The following GPM6A variants were observed in gnomAD, a reference collection of about 807,000 sequenced individuals.
GPM6A encodes the protein neuronal membrane glycoprotein M6-a.
Under a neutral mutation model 32.1 loss-of-function variants are expected in GPM6A, and 7 were observed. That is an observed-to-expected ratio of 0.22 (90% CI 0.12 to 0.41). The LOEUF is 0.41. GPM6A is among the 10% of genes least tolerant of loss of function. GPM6A has a pLI of 1.00. For missense variants in GPM6A, 235 were observed against 347.2 expected (o/e 0.68, Z 2.57); for synonymous variants, 130 against 123.4 (o/e 1.05, Z -0.35).
In GPM6A at chr4:175,764,846, CATTATTATT is replaced by C. The variant is rs56700410; in HGVS notation, c.37+47336_37+47344del. 4.3e-3 allele frequency among the ~76,000 whole-genome samples: 601 copies of C among 140,516 alleles called. 5 individuals are homozygous for C. Among genetic ancestry groups the C allele is most frequent in the African/African-American group, 0.013 (488 of 38,368 alleles). The allele number at this position is 140,516 out of a possible 152,430, so 92.2% of individuals were successfully genotyped here. ...CCATTCTAGTGACTCAACCCAAAGGCATTATTATTATTATTATTATTATTATTATTATTA... is the reference window on the plus strand; with the variant it reads ...CCATTCTAGTGACTCAACCCAAAGGCATTATTATTATTATTATTATTATTA... On this transcript the variant is annotated intron_variant, in intron 1 of 6. Coordinates refer to ENST00000393658, the MANE Select transcript of GPM6A (RefSeq NM_201591.3).
intron 1 of GPM6A, among the ~76,000 whole-genome samples, chr4:175,782,907 T>C (rs967636078): frequency 6.6e-6 from 1 of 151,944 alleles, no homozygotes; most frequent in African/African-American, 2.4e-5. Flanking sequence ...GTCAATACAC[T>C]GAGTAAAATT....
intron 1 of GPM6A, among the ~76,000 whole-genome samples, chr4:175,843,262 G>T (rs1409702658): frequency 6.6e-6 from 1 of 152,102 alleles, no homozygotes; most frequent in Non-Finnish European, 1.5e-5. Context: ...AAATAGGGAG[G>T]AATTTACAAA....
At chr4:175,855,118 T>C (rs1255091961) in intron 1 of GPM6A, among the ~76,000 whole-genome samples, 1 of 152,304 alleles carries the variant, frequency 6.6e-6, no homozygotes, top group Non-Finnish European at 1.5e-5. Context: ...AGTTCCACAG[T>C]ATTTTTTCTA....
intron 1 of GPM6A, among the ~76,000 whole-genome samples, chr4:175,822,863 T>C (rs763929912): frequency 1.3e-5 from 2 of 152,124 alleles, no homozygotes; most frequent in African/African-American, 2.4e-5. Context: ...GTGTGTGATG[T>C]TCCCCTCCCT....
chr4:175,876,764 C>T (rs1356110888), intron 1 of GPM6A, among the ~76,000 whole-genome samples: 4 of 152,128 alleles, frequency 2.6e-5, no homozygotes, highest in Admixed American at 2.6e-4. Context: ...GCCATTGCTC[C>T]GAACAACCCG....
chr4:175,730,303 C>T (rs1042677193), intron 1 of GPM6A, among the ~76,000 whole-genome samples: 13 of 152,110 alleles, frequency 8.5e-5, no homozygotes, highest in Middle Eastern at 3.4e-3. Flanking sequence ...AGTGCAGTGG[C>T]GAGATCTCAG....
chr4:175,654,564 T>C (rs552160382), intron 3 of GPM6A, among the ~76,000 whole-genome samples: 1 of 152,268 alleles, frequency 6.6e-6, no homozygotes, highest in African/African-American at 2.4e-5. Context: ...TATAGTCTTA[T>C]AGAATAAAGG....
At chr4:175,904,372 AT>A (rs1213730849) in intron 1 of GPM6A, among the ~76,000 whole-genome samples, 13 of 152,174 alleles carry the variant, frequency 8.5e-5, no homozygotes, top group African/African-American at 2.9e-4. Context: ...AACATAAAAG[AT>A]ATTTGACTTT....
At chr4:175,863,052 T>C (rs947924574) in intron 1 of GPM6A, among the ~76,000 whole-genome samples, 1 of 152,186 alleles carries the variant, frequency 6.6e-6, no homozygotes. Flanking sequence ...CTGGTGATTG[T>C]ATTGAGTAGA....
chr4:175,837,529 G>A (rs1735805504), intron 1 of GPM6A, among the ~76,000 whole-genome samples: 1 of 152,142 alleles, frequency 6.6e-6, no homozygotes, highest in African/African-American at 2.4e-5. Flanking sequence ...GGGCTGTGGG[G>A]TTAGTGAGAA....
At position 175,680,759 on chromosome 4, in the gene GPM6A, G is replaced by A. The variant is rs549079027; in HGVS notation, c.231-6923C>T. Among the ~76,000 whole-genome samples the A allele has an allele frequency of 2.6e-5, 4 of 152,166 alleles. No individual in the cohort carries two copies. In the South Asian group the frequency reaches 6.2e-4, roughly 24 times the overall value. ...TTGGATCCTTGATTATCTTTACTGT[G>A]TTTTTATGTAAAGGCAAGTGTGTGC... On this transcript the variant is annotated intron_variant, in intron 2 of 6. Transcript: ENST00000393658.
intron 1 of GPM6A, among the ~76,000 whole-genome samples, chr4:175,804,492 T>C (rs2111312349): frequency 1.3e-5 from 2 of 152,316 alleles, no homozygotes; most frequent in South Asian, 4.1e-4. Context: ...GGCCCTTGAC[T>C]AAATAGTGTG....
At chr4:175,895,141 T>C (rs952503691) in intron 1 of GPM6A, among the ~76,000 whole-genome samples, 4 of 152,160 alleles carry the variant, frequency 2.6e-5, no homozygotes, top group Non-Finnish European at 5.9e-5. Flanking sequence ...CTTTGATCTT[T>C]AGAATGAAAT....
intron 1 of GPM6A, among the ~76,000 whole-genome samples, chr4:175,887,617 T>A (rs1737503261): frequency 6.6e-6 from 1 of 151,880 alleles, no homozygotes. Flanking sequence ...GTGTTCTAGA[T>A]GCTAATACGT....
At chr4:175,644,412 G>A (rs1003466600) in intron 4 of GPM6A, among the ~76,000 whole-genome samples, 3 of 151,586 alleles carry the variant, frequency 2.0e-5, no homozygotes, top group African/African-American at 4.8e-5. Context: ...TGAACCTCCA[G>A]TACTCCTGAT....
chr4:175,861,748 T>TG (rs1736580346), intron 1 of GPM6A, among the ~76,000 whole-genome samples: 1 of 72,922 alleles, frequency 1.4e-5, no homozygotes, highest in South Asian at 5.0e-4. Context: ...AAAGAGACTC[T>TG]GAAAAAAAAA....
At chr4:175,766,913 C>T (rs1732994028) in intron 1 of GPM6A, among the ~76,000 whole-genome samples, 1 of 151,982 alleles carries the variant, frequency 6.6e-6, no homozygotes, top group South Asian at 2.1e-4. Flanking sequence ...CCTCGGCCTC[C>T]TAAAGTGCTG....
rs71593723 is a variant in GPM6A, at chr4:175,743,959, C to CAA, written c.38-42194_38-42193dup. On this transcript the variant is annotated intron_variant, in intron 1 of 6. Coordinates refer to ENST00000393658, the MANE Select transcript of GPM6A (RefSeq NM_201591.3). ...AGTTGTACATCAATATCTAATAGGA[C>CAA]AAAAAAAAAAAAACAAAAGGTCAAG... 3.2e-3 allele frequency among the ~76,000 whole-genome samples: 376 copies of CAA among 116,014 alleles called. 2 individuals are homozygous for CAA. Among genetic ancestry groups the CAA allele is most frequent in the African/African-American group, 8.0e-3 (229 of 28,720 alleles). 76.1% of individuals were successfully genotyped at this position (116,014 alleles called of 152,430 possible).
intron 1 of GPM6A, among the ~76,000 whole-genome samples, chr4:175,985,521 G>A (rs1172217950): frequency 2.0e-5 from 3 of 152,034 alleles, no homozygotes; most frequent in Non-Finnish European, 4.4e-5. Context: ...TGCCAAATTT[G>A]CCTCCATCTT....
Sources: allele counts gnomAD v4.1 joint callset (sites outside exome capture counted in the v4.1 genomes callset), GRCh38; gene constraint gnomAD v4.1.1; transcripts MANE v1.5; gene names NCBI Gene and HGNC (gene_info 2026-07-23, HGNC 2026-07-21).